The following SLC6A2 variants were observed in gnomAD, a reference collection of about 807,000 sequenced individuals.
SLC6A2 encodes the protein sodium-dependent noradrenaline transporter.
Under a neutral mutation model 71.7 loss-of-function variants are expected in SLC6A2, and 26 were observed. The observed-to-expected ratio is 0.36, with a 90% CI of 0.27 to 0.50. The LOEUF (loss-of-function observed/expected upper bound fraction) is 0.50. Among genes scored for constraint, SLC6A2 ranks in the 20% least tolerant of loss-of-function variants. SLC6A2 has a pLI of 0.96. For missense variants in SLC6A2, 581 were observed against 803.9 expected (o/e 0.72, Z 3.35); for synonymous variants, 363 against 337.9 (o/e 1.07, Z -0.82).
Position 55,703,869 on chromosome 16 carries a change from G to A in SLC6A2, c.*1523G>A, listed in dbSNP as rs1254328795. 1 of 949,960 alleles carries A rather than the reference G, an allele frequency of 1.1e-6. No homozygotes were observed. Among genetic ancestry groups the A allele is most frequent in the Non-Finnish European group, 1.3e-6 (1 of 797,880 alleles). The allele number at this position is 949,960 out of a possible 1,614,324, so 58.8% of individuals were successfully genotyped here. Reference sequence around the variant, plus strand: ...GAGGATTATGAGGGGACCAGGGTGGGGCAGGGAGATGGTTTTGTCTCCCAG... The same window carrying A: ...GAGGATTATGAGGGGACCAGGGTGGAGCAGGGAGATGGTTTTGTCTCCCAG... On this transcript the variant is annotated 3_prime_UTR_variant, in exon 15 of 15. Coordinates refer to ENST00000568943, the MANE Select transcript of SLC6A2 (RefSeq NM_001172501.3).
intron 2 of SLC6A2, among the ~76,000 whole-genome samples, chr16:55,668,466 G>A (rs561986962): frequency 2.0e-5 from 3 of 152,250 alleles, no homozygotes; most frequent in African/African-American, 7.2e-5. Flanking sequence ...GTAGGTCAGA[G>A]AGTATTTGGT....
At chr16:55,662,702 A>T (rs1964641915) in intron 2 of SLC6A2, among the ~76,000 whole-genome samples, 1 of 152,214 alleles carries the variant, frequency 6.6e-6, no homozygotes, top group African/African-American at 2.4e-5. Context: ...GAGCAGATGG[A>T]GAATTACCAC....
At chr16:55,688,889 A>G (rs1340142684) in intron 5 of SLC6A2, among the ~76,000 whole-genome samples, 4 of 152,116 alleles carry the variant, frequency 2.6e-5, no homozygotes, top group Non-Finnish European at 5.9e-5. Context: ...CAAGGTCCTC[A>G]TTTTGATTGT....
At chr16:55,693,987 T>C (rs1191712871) in intron 6 of SLC6A2, 23 bp from the exon 7 acceptor site, 1 of 1,505,866 alleles carries the variant, frequency 6.6e-7, no homozygotes, top group Non-Finnish European at 9.2e-7. Context: ...CAGAGGCTGA[T>C]GGCTTTTGTC....
At chr16:55,689,871 C>G (rs1468015070) in intron 5 of SLC6A2, among the ~76,000 whole-genome samples, 1 of 152,168 alleles carries the variant, frequency 6.6e-6, no homozygotes, top group Non-Finnish European at 1.5e-5. Context: ...GATGGAGAAA[C>G]AAGTGGATAA....
chr16:55,671,541 T>G (rs1176748000), intron 3 of SLC6A2: 2 of 406,404 alleles, frequency 4.9e-6, no homozygotes, highest in Admixed American at 7.9e-5. Flanking sequence ...AAGTGAAGCT[T>G]CATCTGTATT....
In SLC6A2 at chr16:55,692,071, C is replaced by A; in HGVS notation, c.918+19C>A. On this transcript the variant is annotated intron_variant, in intron 6 of 14. Coordinates refer to ENST00000568943, the MANE Select transcript of SLC6A2 (RefSeq NM_001172501.3). ...GGCCACGGTCAGTGCTCAGTGACCA[C>A]CAAGCCTTGGGCCAGGCTTGTGGGA... The A allele has an allele frequency of 6.2e-7, 1 of 1,613,922 alleles. No individual in the cohort carries two copies.
chr16:55,672,915 G>A (rs546513645), intron 4 of SLC6A2, among the ~76,000 whole-genome samples: 2 of 152,296 alleles, frequency 1.3e-5, no homozygotes, highest in East Asian at 3.9e-4. Context: ...TAAAAATAGT[G>A]CATATACCCA....
Position 55,702,747 on chromosome 16 carries a change from C to CTCAA in SLC6A2, c.*401_*402insTCAA, listed in dbSNP as rs201774381. On this transcript the variant is annotated 3_prime_UTR_variant, in exon 15 of 15. Transcript: ENST00000568943. ...TGGGCTTTTGATCAGATACCCCTCCCAAAAAAAAAAAAAACTAAAACTAAA... is the reference window on the plus strand; with the variant it reads ...TGGGCTTTTGATCAGATACCCCTCCCTCAAAAAAAAAAAAAAAACTAAAACTAAA... The CTCAA allele has an allele frequency of 1.3e-6, 1 of 780,430 alleles. No homozygotes were observed. Among genetic ancestry groups the CTCAA allele is most frequent in the African/African-American group, 2.4e-5 (1 of 42,032 alleles). The allele number at this position is 780,430 out of a possible 1,614,324, so 48.3% of individuals were successfully genotyped here. A position where few individuals can be genotyped will look rare whatever the true frequency, so the allele number is the denominator to read the frequency against.
intron 9 of SLC6A2, 51 bp downstream of exon 9, chr16:55,696,388 C>G (rs773113932): frequency 9.2e-7 from 1 of 1,092,378 alleles, no homozygotes; most frequent in Non-Finnish European, 1.4e-6. Flanking sequence ...GGGCCTGACC[C>G]CCTTCCCCAA....
At chr16:55,674,054 T>TGGG (rs1173105076) in intron 4 of SLC6A2, among the ~76,000 whole-genome samples, 1 of 152,212 alleles carries the variant, frequency 6.6e-6, no homozygotes, top group Non-Finnish European at 1.5e-5. Context: ...ATTTTAGATT[T>TGGG]GGGGGTACAC....
intron 5 of SLC6A2, among the ~76,000 whole-genome samples, chr16:55,685,654 A>C (rs1158410391): frequency 6.6e-6 from 1 of 152,228 alleles, no homozygotes; most frequent in Non-Finnish European, 1.5e-5. Context: ...CTAAATCTTC[A>C]TGCAAATGTT....
In SLC6A2 at chr16:55,683,634, AAACG is replaced by A. The variant is rs1469929577; in HGVS notation, c.645-1506_645-1503del. Among the ~76,000 whole-genome samples the A allele has an allele frequency of 4.6e-3, 603 of 132,198 alleles. 3 individuals are homozygous for A. Among genetic ancestry groups the A allele is most frequent in the African/African-American group, 0.015 (544 of 36,886 alleles). The allele number at this position is 132,198 out of a possible 152,430, so 86.7% of individuals were successfully genotyped here. On this transcript the variant is annotated intron_variant, in intron 4 of 14. Coordinates refer to ENST00000568943, the MANE Select transcript of SLC6A2 (RefSeq NM_001172501.3). ...GTCTCAAACAAACAAACAAACAAAC[AAACG>A]AAACAAAACAAAACAAAAGAAAAAA... is the stretch of plus-strand genomic sequence containing the variant.
intron 8 of SLC6A2, 84 bp downstream of exon 8, chr16:55,695,486 G>A (rs972339942): frequency 8.8e-6 from 13 of 1,470,512 alleles, no homozygotes; most frequent in Admixed American, 1.7e-5. Context: ...TGGCTCTTCC[G>A]TGGCTGTAGG....
At chr16:55,666,310 A>G (rs1964748735) in intron 2 of SLC6A2, among the ~76,000 whole-genome samples, 1 of 152,174 alleles carries the variant, frequency 6.6e-6, no homozygotes, top group African/African-American at 2.4e-5. Context: ...GGGGTTTGCA[A>G]CCAGCCTCGG....
At chr16:55,685,403 G>A (rs1251118538) in intron 5 of SLC6A2, 122 bp downstream of exon 5, 2 of 1,045,690 alleles carry the variant, frequency 1.9e-6, no homozygotes, top group Non-Finnish European at 3.0e-6. Context: ...GCAAGGCCTG[G>A]GTTCAAGCCC....
intron 5 of SLC6A2, among the ~76,000 whole-genome samples, chr16:55,690,068 T>C (rs954321863): frequency 2.0e-5 from 3 of 152,152 alleles, no homozygotes; most frequent in Non-Finnish European, 4.4e-5. Flanking sequence ...CATCCATCCA[T>C]CCATCCATCT....
At chr16:55,698,381 A>G in intron 10 of SLC6A2, 88 bp from the exon 11 acceptor site, 3 of 932,554 alleles carry the variant, frequency 3.2e-6, no homozygotes, top group Non-Finnish European at 5.3e-6. Flanking sequence ...CAAGTGGGAC[A>G]GGGGGCAGGT....
At chr16:55,673,094 T>C (rs1333380437) in intron 4 of SLC6A2, among the ~76,000 whole-genome samples, 1 of 152,244 alleles carries the variant, frequency 6.6e-6, no homozygotes, top group Non-Finnish European at 1.5e-5. Flanking sequence ...GTTTCTTTAA[T>C]CTTCTCCAAT....
Sources: allele counts gnomAD v4.1 joint callset (sites outside exome capture counted in the v4.1 genomes callset), GRCh38; gene constraint gnomAD v4.1.1; transcripts MANE v1.5; gene names NCBI Gene and HGNC (gene_info 2026-07-23, HGNC 2026-07-21).